RIMS2: variants seen among roughly 807,000 people sequenced by gnomAD.
RIMS2 encodes the protein regulating synaptic membrane exocytosis protein 2.
In RIMS2, 59 loss-of-function variants were observed where a neutral mutation model predicts 174.4. The observed-to-expected ratio is 0.34, with a 90% confidence interval of 0.27 to 0.42. The LOEUF (loss-of-function observed/expected upper bound fraction) is 0.42, where lower values mean the gene tolerates loss of function less well. RIMS2 is among the 10% of genes least tolerant of loss of function. RIMS2 has a pLI of 1.00. For missense variants in RIMS2, 1,620 were observed against 1,666.3 expected (o/e 0.97, Z 0.48); for synonymous variants, 606 against 572.5 (o/e 1.06, Z -0.84).
intron 19 of RIMS2, among the ~76,000 whole-genome samples, chr8:104,090,231 T>C (rs2097623344): frequency 6.6e-6 from 1 of 151,752 alleles, no homozygotes; most frequent in Non-Finnish European, 1.5e-5. Flanking sequence ...TAGGGAATCT[T>C]TCCTTAAATT....
chr8:103,940,211 G>A lies in RIMS2; in HGVS notation c.2548-2562G>A, dbSNP rs140119617. ...GAAAAAGAGTTTTAACAGACTTACA[G>A]TTCCACATGACTGGGGAGGCCTCAC... On this transcript the variant is annotated intron_variant, in intron 13 of 23. Coordinates refer to ENST00000504942, the Ensembl canonical transcript of RIMS2. Among the ~76,000 whole-genome samples, 510 of 152,248 alleles carry A rather than the reference G, an allele frequency of 3.3e-3. 3 individuals are homozygous for A. Among genetic ancestry groups the A allele is most frequent in the African/African-American group, 0.01 (426 of 41,534 alleles).
downstream of RIMS2, chr8:104,253,830 A>G (rs184115197): frequency 2.6e-5 from 4 of 152,346 alleles, no homozygotes; most frequent in East Asian, 3.8e-4. Flanking sequence ...ATTAAAAACT[A>G]TCATGCTTGA....
chr8:103,581,043 C>T (rs2093589966), intron 1 of RIMS2, among the ~76,000 whole-genome samples: 1 of 151,806 alleles, frequency 6.6e-6, no homozygotes, highest in African/African-American at 2.4e-5. Context: ...TGGTCTCGAT[C>T]TCCTGACCTC....
chr8:103,876,372 G>T (rs1054253820), intron 3 of RIMS2, among the ~76,000 whole-genome samples: 1 of 150,718 alleles, frequency 6.6e-6, no homozygotes, highest in Non-Finnish European at 1.5e-5. Context: ...CCCTTCCCCA[G>T]TGTATGGTTT....
intron 2 of RIMS2, among the ~76,000 whole-genome samples, chr8:103,700,499 A>G (rs1482892253): frequency 6.6e-6 from 1 of 151,834 alleles, no homozygotes; most frequent in South Asian, 2.1e-4. Context: ...ATGTTCTTCT[A>G]TTATTTTACT....
chr8:104,055,524 G>T (rs2096854268), intron 19 of RIMS2, among the ~76,000 whole-genome samples: 1 of 152,042 alleles, frequency 6.6e-6, no homozygotes, highest in Admixed American at 6.6e-5. Flanking sequence ...AACAATTATT[G>T]TACCTTTTCT....
At chr8:104,138,512 C>A (rs2098540447) in intron 19 of RIMS2, among the ~76,000 whole-genome samples, 1 of 152,238 alleles carries the variant, frequency 6.6e-6, no homozygotes, top group Non-Finnish European at 1.5e-5. Flanking sequence ...ATTTGCATTT[C>A]TCTAATGATT....
chr8:103,833,232 C>T (rs1205550820), intron 3 of RIMS2, among the ~76,000 whole-genome samples: 3 of 152,036 alleles, frequency 2.0e-5, no homozygotes, highest in African/African-American at 7.2e-5. Flanking sequence ...GATGACAAGT[C>T]GTTGGCACTT....
intron 1 of RIMS2, among the ~76,000 whole-genome samples, chr8:103,552,013 A>C (rs995494299): frequency 6.6e-6 from 1 of 152,222 alleles, no homozygotes; most frequent in African/African-American, 2.4e-5. Flanking sequence ...TATCGTGAAA[A>C]TGGCCATACT....
At chr8:104,122,942 T>G (rs1249465018) in intron 19 of RIMS2, among the ~76,000 whole-genome samples, 2 of 152,112 alleles carry the variant, frequency 1.3e-5, no homozygotes, top group Non-Finnish European at 2.9e-5. Flanking sequence ...AAAGAAAGTT[T>G]TATTGTATTG....
intron 17 of RIMS2, among the ~76,000 whole-genome samples, chr8:104,000,047 T>G (rs888503522): frequency 6.6e-6 from 1 of 151,828 alleles, no homozygotes. Context: ...TTATTTTATA[T>G]GTATTAAAGT....
intron 3 of RIMS2, among the ~76,000 whole-genome samples, chr8:103,884,830 C>T (rs556147739): frequency 1.1e-4 from 16 of 151,912 alleles, no homozygotes; most frequent in African/African-American, 3.6e-4. Flanking sequence ...TAAGAGCCAG[C>T]ACTTAATTTT....
chr8:103,782,546 A>G (rs2098401924), intron 3 of RIMS2, among the ~76,000 whole-genome samples: 1 of 152,054 alleles, frequency 6.6e-6, no homozygotes, highest in Admixed American at 6.6e-5. Flanking sequence ...TAAAGAATGT[A>G]TGCAGTTTTA....
intron 19 of RIMS2, among the ~76,000 whole-genome samples, chr8:104,127,442 G>A (rs999623029): frequency 1.3e-5 from 2 of 152,118 alleles, no homozygotes; most frequent in African/African-American, 4.8e-5. Flanking sequence ...TATATTGGAA[G>A]AGTGAATGAA....
intron 19 of RIMS2, among the ~76,000 whole-genome samples, chr8:104,224,577 A>G (rs1002682964): frequency 1.3e-5 from 2 of 152,224 alleles, no homozygotes; most frequent in Non-Finnish European, 2.9e-5. Flanking sequence ...CTGATACACT[A>G]GTTGCAAACT....
intron 1 of RIMS2, among the ~76,000 whole-genome samples, chr8:103,597,487 T>C (rs1439953754): frequency 6.6e-6 from 1 of 152,190 alleles, no homozygotes; most frequent in Non-Finnish European, 1.5e-5. Context: ...TGTGTTTATT[T>C]TCCAGTCTCT....
intron 3 of RIMS2, among the ~76,000 whole-genome samples, chr8:103,834,742 T>TTCTTTCTTTCTTTCTTTCTC (rs1406395709): frequency 3.7e-5 from 4 of 109,526 alleles, no homozygotes; most frequent in Non-Finnish European, 7.2e-5. Flanking sequence ...CTTTCTTTCT[T>TTCTTTCTTTCTTTCTTTCTC]TCTCTCTCTT....
At chr8:104,241,994 A>C (rs2099301523) in intron 19 of RIMS2, among the ~76,000 whole-genome samples, 1 of 152,118 alleles carries the variant, frequency 6.6e-6, no homozygotes, top group Admixed American at 6.6e-5. Context: ...TCCTGGCCTC[A>C]AGTGATCTGC....
chr8:103,604,124 G>T (rs2094915387), intron 1 of RIMS2, among the ~76,000 whole-genome samples: 1 of 148,942 alleles, frequency 6.7e-6, no homozygotes, highest in South Asian at 2.1e-4. Context: ...GGGTTTTTCT[G>T]GTTTTAGGTC....
Sources: gnomAD v4.1 joint callset for allele counts (sites outside exome capture counted in the v4.1 genomes callset) on GRCh38, gnomAD v4.1.1 for gene constraint, MANE v1.5 for transcripts, NCBI Gene and HGNC (gene_info 2026-07-23, HGNC 2026-07-21) for gene names.